Variants in BCLAF1 observed in about 807,000 individuals in gnomAD.
The protein encoded by BCLAF1 is BCL2 associated transcription factor 1.
BCLAF1 carries 10 observed loss-of-function variants against 99.5 expected under a neutral mutation model. The ratio of observed to expected loss-of-function variants is 0.10; its 90% CI spans 0.06 to 0.17. The LOEUF (loss-of-function observed/expected upper bound fraction) is 0.17, where lower values mean the gene tolerates loss of function less well. Among genes scored for constraint, BCLAF1 ranks in the 10% least tolerant of loss-of-function variants. BCLAF1 has a pLI of 1.00. For synonymous variants in BCLAF1, 255 were observed against 370.9 expected, an observed-to-expected ratio of 0.69 and a Z score of 3.59; for missense variants, 636 against 1,105.8, an observed-to-expected ratio of 0.58 and a Z score of 6.02.
At chr6:136,264,379 GTTT>G (rs1204669593) in intron 11 of BCLAF1, among the ~76,000 whole-genome samples, 1 of 151,530 alleles carries the variant, frequency 6.6e-6, no homozygotes, top group Non-Finnish European at 1.5e-5. Context: ...GCTAATTTTC[GTTT>G]TTTTTGTAGA....
At chr6:136,268,111 T>G in intron 10 of BCLAF1, 51 bp downstream of exon 10, 1 of 1,456,102 alleles carries the variant, frequency 6.9e-7, no homozygotes, top group Non-Finnish European at 9.2e-7. Context: ...TTATGTACAG[T>G]ACTCTAAGAT....
At chr6:136,284,744 G>C (rs1039706874) in intron 1 of BCLAF1, among the ~76,000 whole-genome samples, 1 of 152,032 alleles carries the variant, frequency 6.6e-6, no homozygotes, top group African/African-American at 2.4e-5. Flanking sequence ...TTTAAGTTAA[G>C]ACTTAAGCTC....
At chr6:136,269,904 C>G (rs1040446489) in intron 8 of BCLAF1, 1 of 229,142 alleles carries the variant, frequency 4.4e-6, no homozygotes, top group African/African-American at 2.3e-5. Context: ...AATTTTTGTA[C>G]AGTAAATGAT....
At chr6:136,271,429 C>A (rs1043949515) in intron 8 of BCLAF1, among the ~76,000 whole-genome samples, 8 of 151,890 alleles carry the variant, frequency 5.3e-5, no homozygotes, top group African/African-American at 1.9e-4. Flanking sequence ...TCACCAAGAC[C>A]CCTCAATATC....
chr6:136,275,705 G>T lies in BCLAF1; in HGVS notation c.1683-4C>A, dbSNP rs767615898. Reference sequence around the variant, plus strand: ...GTCTTTAGTCAAGGAAGCAGGTCTGGAACATATTGATAACACACACACACA... The same window carrying T: ...GTCTTTAGTCAAGGAAGCAGGTCTGTAACATATTGATAACACACACACACA... On this transcript the variant is annotated splice_region_variant and splice_polypyrimidine_tract_variant and intron_variant, in intron 5 of 12. Transcript: ENST00000531224. 1 of 1,580,872 alleles carries T rather than the reference G, an allele frequency of 6.3e-7. No homozygotes were observed. The highest frequency in any genetic ancestry group is 1.4e-5 in the African/African-American group (1 of 73,528).
At position 136,261,073 on chromosome 6, in the gene BCLAF1, G is replaced by T. The variant is rs765557987; in HGVS notation, c.*37C>A. ...AAATCAGGTAAAAAAAATGGTGGGT[G>T]CAAGTTCTGCTCTGTTGTAATCTTA... On this transcript the variant is annotated 3_prime_UTR_variant, in exon 13 of 13. Transcript: ENST00000531224. 3 of 1,541,648 alleles carry T rather than the reference G, an allele frequency of 1.9e-6. No individual in the cohort carries two copies. Among genetic ancestry groups the T allele is most frequent in the Non-Finnish European group, 2.6e-6 (3 of 1,143,688 alleles).
At position 136,259,834 on chromosome 6, in the gene BCLAF1, T is replaced by C. The variant is rs575743558; in HGVS notation, c.*1276A>G. ...AACAAATGAAATGTGTCTACTTTTATATATGCCCATAAAGCAGACACTTAA... is the reference window on the plus strand; with the variant it reads ...AACAAATGAAATGTGTCTACTTTTACATATGCCCATAAAGCAGACACTTAA... On this transcript the variant is annotated 3_prime_UTR_variant, in exon 13 of 13. Transcript: ENST00000531224. 2 of 152,074 alleles carry C rather than the reference T, an allele frequency of 1.3e-5. No homozygotes were observed. The highest frequency in any genetic ancestry group is 2.9e-5 in the Non-Finnish European group (2 of 67,912). 9.4% of individuals were successfully genotyped at this position (152,074 alleles called of 1,614,324 possible). A position where few individuals can be genotyped will look rare whatever the true frequency, so the allele number is the denominator to read the frequency against.
At chr6:136,278,899 C>G (rs1783964411) in intron 3 of BCLAF1, 123 bp from the exon 4 acceptor site, 1 of 986,916 alleles carries the variant, frequency 1.0e-6, no homozygotes, top group Non-Finnish European at 1.4e-6. Context: ...TTTTAAAAAA[C>G]TCATCTGTAC....
At chr6:136,283,370 C>G (rs1174051020) in intron 1 of BCLAF1, among the ~76,000 whole-genome samples, 1 of 152,046 alleles carries the variant, frequency 6.6e-6, no homozygotes, top group Non-Finnish European at 1.5e-5. Context: ...ACTTTAAATT[C>G]TGTGCCTAAA....
intron 11 of BCLAF1, among the ~76,000 whole-genome samples, chr6:136,264,071 C>A (rs1400258004): frequency 2.6e-5 from 4 of 152,122 alleles, no homozygotes; most frequent in Non-Finnish European, 4.4e-5. Flanking sequence ...ACCTTTGTAC[C>A]TCAGTTTTTT....
intron 1 of BCLAF1, among the ~76,000 whole-genome samples, chr6:136,284,200 G>T (rs1260835594): frequency 6.9e-6 from 1 of 144,248 alleles, no homozygotes; most frequent in Non-Finnish European, 1.5e-5. Flanking sequence ...ACTCCGTCAT[G>T]GTATTTTGAA....
At chr6:136,271,892 T>G in intron 8 of BCLAF1, 103 bp downstream of exon 8, 1 of 785,804 alleles carries the variant, frequency 1.3e-6, no homozygotes, top group Non-Finnish European at 2.1e-6. Flanking sequence ...GAATTAAAAG[T>G]AGAAGATATC....
rs1162003110 is a variant in BCLAF1, at chr6:136,269,474, T to C, written c.2182A>G (p.Lys728Glu). 1.2e-6 allele frequency: 2 copies of C among 1,610,990 alleles called. No homozygotes were observed. The highest frequency in any genetic ancestry group is 1.7e-6 in the Non-Finnish European group (2 of 1,178,630). Residue 728 changes from lysine (K) to glutamate (E), a missense_variant, in exon 9 of 13, where the codon AAA becomes GAA. Transcript: ENST00000531224. ...SGSRKQEKTP[K>E]DYKEYKSYKD... The stretch of plus-strand genomic sequence containing the variant: ...TAAGATTTGTATTCCTTGTAATCTT[T>C]TGGAGTTTTTTCCTGCTTTCTTGAT...
At chr6:136,267,506 TA>T (rs1781881578) in intron 10 of BCLAF1, among the ~76,000 whole-genome samples, 1 of 151,902 alleles carries the variant, frequency 6.6e-6, no homozygotes, top group South Asian at 2.1e-4. Flanking sequence ...AAGCCCCAAG[TA>T]TTCAGCCATA....
chr6:136,289,368 G>GTCGGGCGCGCGCAGAGGT (rs1785628413), intron 1 of BCLAF1, among the ~76,000 whole-genome samples: 1 of 152,130 alleles, frequency 6.6e-6, no homozygotes, highest in Non-Finnish European at 1.5e-5. Flanking sequence ...GGAGCGTTCA[G>GTCGGGCGCGCGCAGAGGT]TCGGGCGCGC....
Position 136,261,078 on chromosome 6 carries a change from T to C in BCLAF1, c.*32A>G. On this transcript the variant is annotated 3_prime_UTR_variant, in exon 13 of 13. Transcript: ENST00000531224. ...AGGTAAAAAAAATGGTGGGTGCAAG[T>C]TCTGCTCTGTTGTAATCTTACTTCA... 6.4e-7 allele frequency: 1 copy of C among 1,553,658 alleles called. No individual in the cohort carries two copies. Among genetic ancestry groups the C allele is most frequent in the Non-Finnish European group, 8.7e-7 (1 of 1,150,826 alleles).
chr6:136,271,940 A>G (rs1267970135), intron 8 of BCLAF1, 55 bp downstream of exon 8: 15 of 1,275,556 alleles, frequency 1.2e-5, no homozygotes, highest in South Asian at 3.8e-5. Context: ...ATTTGGTACA[A>G]TATCATTAAC....
At chr6:136,280,315 C>G (rs1337936183) in intron 2 of BCLAF1, among the ~76,000 whole-genome samples, 2 of 152,084 alleles carry the variant, frequency 1.3e-5, no homozygotes, top group African/African-American at 4.8e-5. Context: ...ATAAACCTAC[C>G]AGGCTGTTAT....
At chr6:136,276,547 G>A in intron 4 of BCLAF1, 39 bp from the exon 5 acceptor site, 1 of 1,546,740 alleles carries the variant, frequency 6.5e-7, no homozygotes, top group Non-Finnish European at 8.7e-7. Context: ...ACTCTGGATT[G>A]CATTCACTGT....
Sources: allele counts gnomAD v4.1 joint callset (sites outside exome capture counted in the v4.1 genomes callset), GRCh38; gene constraint gnomAD v4.1.1; transcripts MANE v1.5; gene names NCBI Gene and HGNC (gene_info 2026-07-23, HGNC 2026-07-21).